Variants in AGPAT4 observed in about 807,000 individuals in gnomAD.
AGPAT4 encodes 1-acyl-sn-glycerol-3-phosphate acyltransferase delta.
Under a neutral mutation model 48.0 loss-of-function variants are expected in AGPAT4, and 15 were observed. That is an observed-to-expected ratio of 0.31 (90% CI 0.21 to 0.48). The LOEUF (loss-of-function observed/expected upper bound fraction) is 0.48. Among genes scored for constraint, AGPAT4 ranks in the 20% least tolerant of loss-of-function variants. AGPAT4 has a pLI of 0.99. For synonymous variants in AGPAT4, 178 were observed against 198.7 expected, an observed-to-expected ratio of 0.90 and a Z score of 0.88; for missense variants, 314 against 482.5, an observed-to-expected ratio of 0.65 and a Z score of 3.27.
At position 161,144,276 on chromosome 6, in the gene AGPAT4, G is replaced by A. The variant is rs1562310932; in HGVS notation, c.843+2248C>T. 4.2e-6 allele frequency: 2 copies of A among 480,366 alleles called. No individual in the cohort carries two copies. The highest frequency in any genetic ancestry group is 8.6e-6 in the Non-Finnish European group (2 of 233,428). The allele number at this position is 480,366 out of a possible 1,614,324, so 29.8% of individuals were successfully genotyped here. On this transcript the variant is annotated intron_variant, in intron 7 of 8. Transcript: ENST00000320285. The surrounding 1 kb of genome is among the most constrained non-coding windows in gnomAD (Gnocchi z 6.6). Reference sequence around the variant, plus strand: ...CGGTGTCGCCCCAGCCCTGCACGGAGAGAGAAAGGGCCTGGACTCCAGCAC... The same window carrying A: ...CGGTGTCGCCCCAGCCCTGCACGGAAAGAGAAAGGGCCTGGACTCCAGCAC...
rs1287658816 is a variant in AGPAT4, at chr6:161,264,750, AT to A, written c.-90+9187del. On this transcript the variant is annotated intron_variant, in intron 1 of 8. Coordinates refer to ENST00000320285, the MANE Select transcript of AGPAT4 (RefSeq NM_020133.3). The surrounding 1 kb of genome is among the most constrained non-coding windows in gnomAD (Gnocchi z 6.8). Reference sequence around the variant, plus strand: ...TTCTGGAGTTGGGTGGGGAGTTGGAATAACTGACCCCACTTCTGTTGACCTT... The same window carrying A: ...TTCTGGAGTTGGGTGGGGAGTTGGAAAACTGACCCCACTTCTGTTGACCTT... Among the ~76,000 whole-genome samples the A allele has an allele frequency of 2.0e-5, 3 of 152,150 alleles. No homozygotes were observed. The highest frequency in any genetic ancestry group is 4.4e-5 in the Non-Finnish European group (3 of 68,004).
At position 161,179,941 on chromosome 6, in the gene AGPAT4, T is replaced by A. The variant is rs1039553509; in HGVS notation, c.179-13524A>T. Among the ~76,000 whole-genome samples, 4 of 152,194 alleles carry A rather than the reference T, an allele frequency of 2.6e-5. No individual in the cohort carries two copies. In the South Asian group the frequency reaches 8.3e-4, roughly 32 times the overall value. On this transcript the variant is annotated intron_variant, in intron 2 of 8. Coordinates refer to ENST00000320285, the MANE Select transcript of AGPAT4 (RefSeq NM_020133.3). ...GGAGTCAAAAGTTACATGTGGCTATTTGACTCCAAAACAAAATAAACAATT... is the reference window on the plus strand; with the variant it reads ...GGAGTCAAAAGTTACATGTGGCTATATGACTCCAAAACAAAATAAACAATT...
At position 161,174,127 on chromosome 6, in the gene AGPAT4, G is replaced by A. The variant is rs1177332231; in HGVS notation, c.179-7710C>T. Among the ~76,000 whole-genome samples, 6 of 152,214 alleles carry A rather than the reference G, an allele frequency of 3.9e-5. No individual in the cohort carries two copies. In the East Asian group the frequency reaches 5.8e-4, roughly 15 times the overall value. On this transcript the variant is annotated intron_variant, in intron 2 of 8. Transcript: ENST00000320285. ...CAGCCTAGGATTGTCTTGACTATGC[G>A]GGCTCTTTTTTGGTTCCATATGAAC... is the stretch of plus-strand genomic sequence containing the variant.
intron 2 of AGPAT4, among the ~76,000 whole-genome samples, chr6:161,199,039 A>G (rs576916197): frequency 6.6e-6 from 1 of 152,190 alleles, no homozygotes; most frequent in African/African-American, 2.4e-5. Flanking sequence ...GAACATCTGG[A>G]TATAACAGAA....
chr6:161,209,006 C>T (rs751617365), intron 2 of AGPAT4, among the ~76,000 whole-genome samples: 2 of 152,092 alleles, frequency 1.3e-5, no homozygotes, highest in East Asian at 1.9e-4. Context: ...AAACGCACAT[C>T]GAACAGGAAA....
At chr6:161,152,700 G>GCTT (rs1298153609) in intron 5 of AGPAT4, among the ~76,000 whole-genome samples, 1 of 152,188 alleles carries the variant, frequency 6.6e-6, no homozygotes, top group Non-Finnish European at 1.5e-5. Context: ...GAAGGAGACA[G>GCTT]CTTCGCCTGA....
chr6:161,156,325 C>T (rs558576149), intron 3 of AGPAT4, among the ~76,000 whole-genome samples: 50 of 152,304 alleles, frequency 3.3e-4, no homozygotes, highest in Middle Eastern at 3.4e-3. Context: ...GTCCATGTGC[C>T]TATTGTCTGC....
At position 161,130,837 on chromosome 6, in the gene AGPAT4, C is replaced by G. The variant is rs1157637881; in HGVS notation, c.*5703G>C. On this transcript the variant is annotated 3_prime_UTR_variant, in exon 9 of 9. Transcript: ENST00000320285. ...GACACTTTACAAGTCTGAGCCATCCCGTACTAGTTCATCAACTTTCCTTCC... is the reference window on the plus strand; with the variant it reads ...GACACTTTACAAGTCTGAGCCATCCGGTACTAGTTCATCAACTTTCCTTCC... 1 of 518,928 alleles carries G rather than the reference C, an allele frequency of 1.9e-6. No homozygotes were observed. The highest frequency in any genetic ancestry group is 1.9e-5 in the Admixed American group (1 of 51,590). 32.1% of individuals were successfully genotyped at this position (518,928 alleles called of 1,614,324 possible).
At chr6:161,150,869 A>C (rs937632893) in intron 5 of AGPAT4, among the ~76,000 whole-genome samples, 22 of 152,206 alleles carry the variant, frequency 1.4e-4, no homozygotes, top group African/African-American at 5.3e-4. Flanking sequence ...CCCAGTAAGA[A>C]GGGGCCACAG....
rs199621690 is a variant in AGPAT4, at chr6:161,146,612, A to C, written c.768-13T>G. The stretch of plus-strand genomic sequence containing the variant: ...CAGTGGGATCCTCCTGCAAAGGCAG[A>C]GAGCAGCTAGCAGAGAGGAGGTGAT... On this transcript the variant is annotated splice_polypyrimidine_tract_variant and intron_variant, in intron 6 of 8. Coordinates refer to ENST00000320285, the MANE Select transcript of AGPAT4 (RefSeq NM_020133.3). The surrounding 1 kb of genome is among the most constrained non-coding windows in gnomAD (Gnocchi z 7.1). 6.8e-6 allele frequency: 11 copies of C among 1,613,860 alleles called. No homozygotes were observed. Among genetic ancestry groups the C allele is most frequent in the Non-Finnish European group, 9.3e-6 (11 of 1,179,846 alleles).
At chr6:161,260,559 G>A (rs756991915) in intron 1 of AGPAT4, among the ~76,000 whole-genome samples, 2 of 150,556 alleles carry the variant, frequency 1.3e-5, no homozygotes, top group African/African-American at 4.9e-5. Context: ...GGCTGAGGCA[G>A]GCAGGAGAAT....
chr6:161,145,855 A>C (rs949225330), intron 7 of AGPAT4, among the ~76,000 whole-genome samples: 2 of 151,736 alleles, frequency 1.3e-5, no homozygotes, highest in Non-Finnish European at 1.5e-5. Context: ...ATAATTTTTT[A>C]CTGGTTAATG....
chr6:161,253,084 G>A (rs1321864257), intron 1 of AGPAT4, among the ~76,000 whole-genome samples: 1 of 150,180 alleles, frequency 6.7e-6, no homozygotes. Flanking sequence ...ATGGTGGTGG[G>A]CACCTGTAAT....
At chr6:161,205,767 CA>C (rs1781364046) in intron 2 of AGPAT4, among the ~76,000 whole-genome samples, 1 of 129,678 alleles carries the variant, frequency 7.7e-6, no homozygotes, top group South Asian at 2.3e-4. Context: ...ATAATAACAA[CA>C]AACATGCCAA....
At chr6:161,187,636 C>A (rs1426174560) in intron 2 of AGPAT4, among the ~76,000 whole-genome samples, 2 of 151,944 alleles carry the variant, frequency 1.3e-5, no homozygotes, top group Non-Finnish European at 2.9e-5. Flanking sequence ...CTCTACCTCT[C>A]GCGTTCAAAT....
In AGPAT4 at chr6:161,136,601, G is replaced by A. The variant is rs577233526; in HGVS notation, c.1076C>T (p.Thr359Met). ...GTAGGCAGAGCCCTTGTCAATTTCC[G>A]TCACACCAATCATCCATCGAACTCC... ...SVGVRWMIGV[T>M]EIDKGSAYGN... The change falls in exon 9 of 9, where the codon ACG (threonine) becomes ATG (methionine). Residue 359 changes from threonine (T) to methionine (M), a missense_variant. Thr to Met is a moderately conservative substitution (Grantham distance 81, BLOSUM62 -1). Transcript: ENST00000320285. 7 of 1,614,182 alleles carry A rather than the reference G, an allele frequency of 4.3e-6. No individual in the cohort carries two copies. Among genetic ancestry groups the A allele is most frequent in the Admixed American group, 3.3e-5 (2 of 60,034 alleles).
In AGPAT4 at chr6:161,235,100, G is replaced by A. The variant is rs566056512; in HGVS notation, c.-89-2798C>T. Among the ~76,000 whole-genome samples, 3 of 152,042 alleles carry A rather than the reference G, an allele frequency of 2.0e-5. No individual in the cohort carries two copies. In the South Asian group the frequency reaches 6.3e-4, roughly 32 times the overall value. ...CCCATTTCCTAGCCTGGTGTGGGGT[G>A]GTTGCATGTGGGCTTGAGAGTTCAA... is the stretch of plus-strand genomic sequence containing the variant. On this transcript the variant is annotated intron_variant, in intron 1 of 8. Coordinates refer to ENST00000320285, the MANE Select transcript of AGPAT4 (RefSeq NM_020133.3). This position sits in a 1 kb window ranked among gnomAD's most constrained non-coding sequence, Gnocchi z 6.2.
Position 161,261,443 on chromosome 6 carries a change from G to A in AGPAT4, c.-90+12495C>T, listed in dbSNP as rs975801364. ...CTCCCAGCACAGACCTGGCATGAGA[G>A]GTGGTTAATAAATATCCATAGAATG... On this transcript the variant is annotated intron_variant, in intron 1 of 8. Transcript: ENST00000320285. The surrounding 1 kb of genome is among the most constrained non-coding windows in gnomAD (Gnocchi z 5.3). 6.6e-6 allele frequency among the ~76,000 whole-genome samples: 1 copy of A among 152,198 alleles called. No individual in the cohort carries two copies. Among genetic ancestry groups the A allele is most frequent in the African/African-American group, 2.4e-5 (1 of 41,450 alleles).
In AGPAT4 at chr6:161,242,900, T is replaced by A. The variant is rs1054157027; in HGVS notation, c.-89-10598A>T. The stretch of plus-strand genomic sequence containing the variant: ...CTGGCCAACATAGTGAAACCCCGTC[T>A]CTACTAAGAACACAAAAATTAGCCG... On this transcript the variant is annotated intron_variant, in intron 1 of 8. Transcript: ENST00000320285. The surrounding 1 kb of genome is among the most constrained non-coding windows in gnomAD (Gnocchi z 5.0). Among the ~76,000 whole-genome samples the A allele has an allele frequency of 1.3e-5, 2 of 151,926 alleles. No individual in the cohort carries two copies. The highest frequency in any genetic ancestry group is 1.5e-5 in the Non-Finnish European group (1 of 67,986).
Sources: gnomAD v4.1 joint callset for allele counts (sites outside exome capture counted in the v4.1 genomes callset) on GRCh38, gnomAD v4.1.1 for gene constraint, Gnocchi (gnomAD v3.1) non-coding constraint, MANE v1.5 for transcripts, NCBI Gene and HGNC (gene_info 2026-07-23, HGNC 2026-07-21) for gene names.